Variants in CIMAP2 observed in about 807,000 individuals in gnomAD.
CIMAP2 encodes the protein ciliary microtubule-associated protein 2.
the CIMAP2 span, among the ~76,000 whole-genome samples, chr1:54,830,931 T>G: frequency 1.3e-5 from 2 of 152,228 alleles, no homozygotes; most frequent in Non-Finnish European, 2.9e-5. The surrounding 1 kb of genome is among the most constrained non-coding windows in gnomAD (Gnocchi z 4.1). Context: ...TTTGCCCTTG[T>G]GGGTACATGC....
chr1:54,811,773 G>GCTC, the CIMAP2 span: 13 of 1,325,050 alleles, frequency 9.8e-6, no homozygotes, highest in Admixed American at 7.1e-5. Flanking sequence ...CAGCCTCCAT[G>GCTC]CCCCCACCCC....
the CIMAP2 span, among the ~76,000 whole-genome samples, chr1:54,815,557 A>C: frequency 6.7e-6 from 1 of 148,870 alleles, no homozygotes; most frequent in Non-Finnish European, 1.5e-5. Context: ...TCCCTTTCCC[A>C]CTCTCTTCCT....
chr1:54,831,414 A>G, the CIMAP2 span, among the ~76,000 whole-genome samples: 1 of 151,970 alleles, frequency 6.6e-6, no homozygotes, highest in Non-Finnish European at 1.5e-5. Flanking sequence ...GCACTTTGGG[A>G]GGCTGAGGCA....
At chr1:54,811,997 G>C in the CIMAP2 span, 16 of 1,613,960 alleles carry the variant, frequency 9.9e-6, no homozygotes, top group South Asian at 1.5e-4. Context: ...CAGGGCAGAG[G>C]GGGAAGCTGA....
the CIMAP2 span, among the ~76,000 whole-genome samples, chr1:54,837,880 G>T: frequency 5.8e-3 from 827 of 141,840 alleles, 16 homozygotes; most frequent in African/African-American, 0.02. Context: ...AATCTATACA[G>T]ATCATTTCAT....
At chr1:54,816,849 G>A in the CIMAP2 span, 1 of 1,159,820 alleles carries the variant, frequency 8.6e-7, no homozygotes, top group Non-Finnish European at 1.2e-6. Flanking sequence ...TCGGGGTTGG[G>A]ACCTCAACAT....
At chr1:54,811,873 C>T in the CIMAP2 span, 1 of 1,612,644 alleles carries the variant, frequency 6.2e-7, no homozygotes, top group Non-Finnish European at 8.5e-7. Context: ...TGGAACCGGT[C>T]TCATTCCGAG....
At chr1:54,807,195 CT>C in the CIMAP2 span, 1 of 1,206,250 alleles carries the variant, frequency 8.3e-7, no homozygotes, top group South Asian at 1.2e-5. Context: ...TTTCTACCTT[CT>C]TCCAGCACAG....
At chr1:54,819,838 C>CTCTT in the CIMAP2 span, among the ~76,000 whole-genome samples, 2 of 57,054 alleles carry the variant, frequency 3.5e-5, no homozygotes, top group Non-Finnish European at 6.1e-5. Context: ...TTCTTTCTTT[C>CTCTT]TCTTTCTTTC....
the CIMAP2 span, among the ~76,000 whole-genome samples, chr1:54,820,118 CTTTCTT>C: frequency 0.34 from 23,772 of 69,944 alleles, 2,468 homozygotes; most frequent in East Asian, 0.49. Flanking sequence ...CTCTCTCTTT[CTTTCTT>C]TCTTTCTTTC....
At chr1:54,817,956 T>C in the CIMAP2 span, among the ~76,000 whole-genome samples, 2 of 152,228 alleles carry the variant, frequency 1.3e-5, no homozygotes, top group African/African-American at 4.8e-5. Context: ...GTTTCTTATT[T>C]TTCCTTTCTG....
chr1:54,813,785 G>T, the CIMAP2 span: 1 of 1,577,654 alleles, frequency 6.3e-7, no homozygotes, highest in South Asian at 1.2e-5. Flanking sequence ...TCCTGGCATA[G>T]CAGATTCCTT....
chr1:54,811,772 T>TACCCCCCCCCCC, the CIMAP2 span: 4 of 454,868 alleles, frequency 8.8e-6, no homozygotes, highest in South Asian at 3.2e-5. Context: ...ACAGCCTCCA[T>TACCCCCCCCCCC]GCCCCCACCC....
chr1:54,841,944 G>A, the CIMAP2 span: 1 of 1,435,482 alleles, frequency 7.0e-7, no homozygotes, highest in Non-Finnish European at 9.6e-7. Flanking sequence ...GGGGGTGACA[G>A]CATGGGCATG....
At chr1:54,841,732 C>T in the CIMAP2 span, 1 of 1,588,398 alleles carries the variant, frequency 6.3e-7, no homozygotes, top group African/African-American at 1.3e-5. Flanking sequence ...GGGTGTCCCT[C>T]CAGGGATGAG....
the CIMAP2 span, among the ~76,000 whole-genome samples, chr1:54,841,301 G>A: frequency 6.6e-6 from 1 of 152,324 alleles, no homozygotes; most frequent in Admixed American, 6.5e-5. Context: ...CACAGCAAGG[G>A]GTTCTTATGG....
chr1:54,817,374 G>A, the CIMAP2 span, among the ~76,000 whole-genome samples: 1 of 152,234 alleles, frequency 6.6e-6, no homozygotes, highest in Admixed American at 6.5e-5. Context: ...AAGAGCAGAT[G>A]TTTGAGGAGA....
At chr1:54,837,942 T>C in the CIMAP2 span, among the ~76,000 whole-genome samples, 29 of 152,112 alleles carry the variant, frequency 1.9e-4, 1 homozygote, top group African/African-American at 6.0e-4. Flanking sequence ...TTTAAGGCTA[T>C]GGCTGTTTTT....
the CIMAP2 span, among the ~76,000 whole-genome samples, chr1:54,831,096 C>T: frequency 6.6e-6 from 1 of 152,098 alleles, no homozygotes; most frequent in Admixed American, 6.5e-5. Context: ...TGACACTGAA[C>T]CTGCAATCTA....
Sources: allele counts gnomAD v4.1 joint callset (sites outside exome capture counted in the v4.1 genomes callset), GRCh38; gene constraint gnomAD v4.1.1; non-coding constraint Gnocchi (gnomAD v3.1); transcripts MANE v1.5; gene names NCBI Gene and HGNC (gene_info 2026-07-23, HGNC 2026-07-21).